The following SPAG17 variants were observed in gnomAD, a reference collection of about 807,000 sequenced individuals.
SPAG17 encodes sperm-associated antigen 17.
A neutral mutation model predicts 273.6 loss-of-function variants in SPAG17; 169 were observed. The ratio of observed to expected loss-of-function variants is 0.62; its 90% CI spans 0.55 to 0.70. The LOEUF (loss-of-function observed/expected upper bound fraction) is 0.70, where lower values mean the gene tolerates loss of function less well. Ranked by LOEUF, SPAG17 falls within the 30% of genes least tolerant of loss-of-function variation. The probability of loss-of-function intolerance (pLI) is 0.00; values close to 1 mark genes in which losing one functional copy is unlikely to be tolerated. For synonymous variants in SPAG17, 825 were observed against 873.2 expected, an observed-to-expected ratio of 0.94 and a Z score of 0.97; for missense variants, 2,557 against 2,627.8, an observed-to-expected ratio of 0.97 and a Z score of 0.59.
Position 118,185,062 on chromosome 1 carries a change from A to G in SPAG17, c.87+9T>C. 1.2e-6 allele frequency: 2 copies of G among 1,613,680 alleles called. No homozygotes were observed. The highest frequency in any genetic ancestry group is 1.7e-6 in the Non-Finnish European group (2 of 1,179,588). On this transcript the variant is annotated intron_variant, in intron 1 of 48. Coordinates refer to ENST00000336338, the MANE Select transcript of SPAG17 (RefSeq NM_206996.4). ...GGGGCAGGGAGGGCTTAAAGGGCTCAAGGCTCACCTGATTGAACTGTGCAG... is the reference window on the plus strand; with the variant it reads ...GGGGCAGGGAGGGCTTAAAGGGCTCGAGGCTCACCTGATTGAACTGTGCAG...
chr1:118,159,260 C>G (rs1265189224), intron 1 of SPAG17, among the ~76,000 whole-genome samples: 1 of 152,198 alleles, frequency 6.6e-6, no homozygotes, highest in Non-Finnish European at 1.5e-5. Flanking sequence ...CATGTATACA[C>G]TGTCTGGCTG....
intron 7 of SPAG17, among the ~76,000 whole-genome samples, chr1:118,096,184 A>C (rs1377827310): frequency 6.6e-6 from 1 of 152,120 alleles, no homozygotes; most frequent in Admixed American, 6.5e-5. Flanking sequence ...TTCAGGGTTC[A>C]AGTCTGGCCA....
chr1:118,025,764 T>C (rs1647671511), intron 26 of SPAG17, among the ~76,000 whole-genome samples: 1 of 152,184 alleles, frequency 6.6e-6, no homozygotes, highest in Non-Finnish European at 1.5e-5. Flanking sequence ...AGTGCTGTGA[T>C]TACAGGTGTG....
At chr1:118,083,231 T>C (rs997828661) in intron 13 of SPAG17, among the ~76,000 whole-genome samples, 7 of 152,078 alleles carry the variant, frequency 4.6e-5, no homozygotes, top group Admixed American at 3.3e-4. Flanking sequence ...GCTGGAATTA[T>C]AGTCATGAGC....
At chr1:118,132,135 C>G (rs747629633) in intron 3 of SPAG17, among the ~76,000 whole-genome samples, 1 of 152,276 alleles carries the variant, frequency 6.6e-6, no homozygotes, top group South Asian at 2.1e-4. Context: ...CCAGAGGGTG[C>G]CTTCTCCACA....
At position 118,050,392 on chromosome 1, in the gene SPAG17, G is replaced by T. The variant is rs115118765; in HGVS notation, c.2814+3610C>A. Among the ~76,000 whole-genome samples, 551 of 152,176 alleles carry T rather than the reference G, an allele frequency of 3.6e-3. 4 individuals carry two copies. The highest frequency in any genetic ancestry group is 0.013 in the African/African-American group (521 of 41,502). On this transcript the variant is annotated intron_variant, in intron 20 of 48. Transcript: ENST00000336338. ...ACCTCAGACTCTCCTTCTGCCTTATGCCCCTCAGTTGAATTCTTTCTTCTG... is the reference window on the plus strand; with the variant it reads ...ACCTCAGACTCTCCTTCTGCCTTATTCCCCTCAGTTGAATTCTTTCTTCTG...
chr1:118,183,367 G>A lies in SPAG17; in HGVS notation c.87+1704C>T, dbSNP rs542671266. 3.3e-5 allele frequency among the ~76,000 whole-genome samples: 5 copies of A among 152,260 alleles called. No homozygotes were observed. The South Asian group carries it at 8.3e-4, about 25-fold the overall frequency. On this transcript the variant is annotated intron_variant, in intron 1 of 48. Transcript: ENST00000336338. ...ATTGGTGGTTAGGGCACGCCTCTGGGCATTGAACTGCTGGGTTAATCTGGG... is the reference window on the plus strand; with the variant it reads ...ATTGGTGGTTAGGGCACGCCTCTGGACATTGAACTGCTGGGTTAATCTGGG...
At chr1:118,034,025 A>T (rs1361158217) in intron 24 of SPAG17, among the ~76,000 whole-genome samples, 3 of 152,214 alleles carry the variant, frequency 2.0e-5, no homozygotes, top group African/African-American at 7.2e-5. Flanking sequence ...TTAGTGGCTC[A>T]GTGCCAGCAA....
In SPAG17 at chr1:118,101,990, C is replaced by A. The variant is rs1397800286; in HGVS notation, c.448-64G>T. On this transcript the variant is annotated intron_variant, in intron 4 of 48. Transcript: ENST00000336338. Reference sequence around the variant, plus strand: ...TGAGCAAGCAATGGCTTTTCTACTGCCAGGTGAATTAATTCTTCATCTCAT... The same window carrying A: ...TGAGCAAGCAATGGCTTTTCTACTGACAGGTGAATTAATTCTTCATCTCAT... 36 of 1,328,964 alleles carry A rather than the reference C, an allele frequency of 2.7e-5. 1 individual carries two copies. Among genetic ancestry groups the A allele is most frequent in the Non-Finnish European group, 3.6e-5 (34 of 949,854 alleles). The allele number at this position is 1,328,964 out of a possible 1,614,324, so 82.3% of individuals were successfully genotyped here.
intron 1 of SPAG17, among the ~76,000 whole-genome samples, chr1:118,169,288 C>G (rs1272222133): frequency 2.0e-5 from 3 of 152,128 alleles, no homozygotes; most frequent in Non-Finnish European, 4.4e-5. Flanking sequence ...AGTCCATTTC[C>G]CTCTTAACAT....
At chr1:118,041,141 C>T (rs780280269) in intron 21 of SPAG17, among the ~76,000 whole-genome samples, 6 of 152,126 alleles carry the variant, frequency 3.9e-5, no homozygotes, top group Non-Finnish European at 8.8e-5. Flanking sequence ...TTCCCATTCA[C>T]TGGTTGTTAA....
At chr1:118,068,094 G>A (rs1304090008) in intron 17 of SPAG17, among the ~76,000 whole-genome samples, 3 of 151,886 alleles carry the variant, frequency 2.0e-5, no homozygotes, top group African/African-American at 7.2e-5. Context: ...AATTTGCTGA[G>A]GCAGCTTTTG....
At chr1:118,026,518 G>A (rs1647770055) in intron 26 of SPAG17, among the ~76,000 whole-genome samples, 1 of 152,074 alleles carries the variant, frequency 6.6e-6, no homozygotes. Flanking sequence ...AACATTTATT[G>A]AGATATTTCT....
chr1:117,968,829 C>T (rs1054888198), intron 46 of SPAG17, among the ~76,000 whole-genome samples: 4 of 152,202 alleles, frequency 2.6e-5, no homozygotes, highest in East Asian at 1.9e-4. Flanking sequence ...ATGCACTCTT[C>T]GCATCTGTGA....
chr1:118,016,952 G>GATGAGTTTC (rs1469034970), intron 28 of SPAG17, among the ~76,000 whole-genome samples: 2 of 152,170 alleles, frequency 1.3e-5, no homozygotes, highest in Non-Finnish European at 2.9e-5. Context: ...TCTCAATGAT[G>GATGAGTTTC]AGGTAAACTC....
intron 1 of SPAG17, 105 bp downstream of exon 1, chr1:118,184,966 A>C: frequency 1.1e-6 from 1 of 939,578 alleles, no homozygotes; most frequent in Non-Finnish European, 1.7e-6. Flanking sequence ...CAGGCCACGG[A>C]GAGATACGGA....
chr1:118,097,529 C>A, intron 7 of SPAG17, 141 bp downstream of exon 7: 1 of 508,536 alleles, frequency 2.0e-6, no homozygotes. Flanking sequence ...TCCATATTAT[C>A]ATTATCCTGA....
intron 7 of SPAG17, 106 bp from the exon 8 acceptor site, chr1:118,093,423 A>T: frequency 9.0e-7 from 1 of 1,109,356 alleles, no homozygotes; most frequent in Non-Finnish European, 1.2e-6. Context: ...TTTATACAGG[A>T]AAGCAAACCC....
chr1:118,091,995 T>G lies in SPAG17; in HGVS notation c.1181A>C (p.Gln394Pro). 1 of 1,613,464 alleles carries G rather than the reference T, an allele frequency of 6.2e-7. No homozygotes were observed. Among genetic ancestry groups the G allele is most frequent in the East Asian group, 2.2e-5 (1 of 44,868 alleles). Residue 394 changes from glutamine to proline, a missense_variant, in exon 9 of 49, where the codon CAA becomes CCA. Transcript: ENST00000336338. ...CTTTCCAGGAGCTGGTACAGCAGGTTGTGGAGCCTAGAAAAAGAATAATTA... is the reference window on the plus strand; with the variant it reads ...CTTTCCAGGAGCTGGTACAGCAGGTGGTGGAGCCTAGAAAAAGAATAATTA... The part of the protein sequence containing the change: ...LEAMPTSEAP[Q>P]PAVPAPGKKK...
Sources: gnomAD v4.1 joint callset for allele counts (sites outside exome capture counted in the v4.1 genomes callset) on GRCh38, gnomAD v4.1.1 for gene constraint, MANE v1.5 for transcripts, NCBI Gene and HGNC (gene_info 2026-07-23, HGNC 2026-07-21) for gene names.